The following GGA1 variants were observed in gnomAD, a reference collection of about 807,000 sequenced individuals.
GGA1 encodes ADP-ribosylation factor-binding protein GGA1.
GGA1 carries 18 observed loss-of-function variants against 76.9 expected under a neutral mutation model. The observed-to-expected ratio is 0.23, with a 90% CI of 0.16 to 0.35. The LOEUF (loss-of-function observed/expected upper bound fraction) is 0.35. Ranked by LOEUF, GGA1 falls within the 10% of genes least tolerant of loss-of-function variation. The probability of loss-of-function intolerance (pLI) is 1.00; values close to 1 mark genes in which losing one functional copy is unlikely to be tolerated. For synonymous variants in GGA1, 342 were observed against 354.7 expected, an observed-to-expected ratio of 0.96 and a Z score of 0.40; for missense variants, 755 against 859.0, an observed-to-expected ratio of 0.88 and a Z score of 1.51.
rs1277796237 is a variant in GGA1, at chr22:37,623,060, G to A, written c.610-267G>A. ...TGGGCCTTCAGAAGCACCTGGTGAG[G>A]GGTTTGGAAACCCAGGTTCCTGGGC... On this transcript the variant is annotated intron_variant, in intron 7 of 16. Transcript: ENST00000343632. The surrounding 1 kb of genome is among the most constrained non-coding windows in gnomAD (Gnocchi z 4.6). Among the ~76,000 whole-genome samples the A allele has an allele frequency of 6.6e-6, 1 of 152,232 alleles. No individual in the cohort carries two copies. Among genetic ancestry groups the A allele is most frequent in the Non-Finnish European group, 1.5e-5 (1 of 68,036 alleles).
chr22:37,618,799 G>A (rs141257269), intron 4 of GGA1, among the ~76,000 whole-genome samples: 9 of 152,310 alleles, frequency 5.9e-5, no homozygotes, highest in South Asian at 2.1e-4. Flanking sequence ...GGAGCTGCCC[G>A]GTGCTTAGGA....
chr22:37,630,415 G>T (rs372374786), intron 13 of GGA1: 7 of 518,598 alleles, frequency 1.3e-5, no homozygotes, highest in South Asian at 1.0e-4. Context: ...CAGAGGGCCG[G>T]CAGAGGGGAG....
chr22:37,617,165 C>T (rs3817997), intron 3 of GGA1, 168 bp downstream of exon 3: 54,257 of 1,460,668 alleles, frequency 0.037, 3,754 homozygotes, highest in African/African-American at 0.26. Context: ...CCACAGCCAG[C>T]GGGCTGGCCT....
At chr22:37,614,320 A>C (rs1361754395) in intron 2 of GGA1, 46 bp downstream of exon 2, 7 of 1,353,852 alleles carry the variant, frequency 5.2e-6, no homozygotes, top group Non-Finnish European at 6.4e-6. Context: ...CACTCTCCAG[A>C]ACCCAGTCTC....
chr22:37,611,967 C>T (rs1373811018), intron 1 of GGA1, among the ~76,000 whole-genome samples: 1 of 152,076 alleles, frequency 6.6e-6, no homozygotes, highest in African/African-American at 2.4e-5. Flanking sequence ...GCCTGACCAA[C>T]ATGGTGAAAT....
intron 4 of GGA1, chr22:37,619,941 G>T: frequency 1.5e-6 from 1 of 667,254 alleles, no homozygotes; most frequent in Non-Finnish European, 2.8e-6. Flanking sequence ...GGATGTCAAG[G>T]CTAAGTCCCC....
chr22:37,611,954 C>G (rs1012493765), intron 1 of GGA1, among the ~76,000 whole-genome samples: 9 of 151,844 alleles, frequency 5.9e-5, no homozygotes, highest in Middle Eastern at 6.9e-3. Flanking sequence ...GAGTTTGAGA[C>G]CAGCCTGACC....
At chr22:37,617,814 T>A in intron 3 of GGA1, 1 of 952,150 alleles carries the variant, frequency 1.1e-6, no homozygotes. Flanking sequence ...GTTGCCTATA[T>A]AAGGTTTTTT....
intron 1 of GGA1, among the ~76,000 whole-genome samples, chr22:37,613,481 A>C (rs1928137268): frequency 6.6e-6 from 1 of 151,974 alleles, no homozygotes; most frequent in Non-Finnish European, 1.5e-5. Flanking sequence ...GCTCACTCCA[A>C]GCTCCGCCTC....
rs186081433 is a variant in GGA1 at position 37,623,375 on chromosome 22, G to A, written c.658G>A (p.Glu220Lys). The A allele has an allele frequency of 1.1e-5, 17 of 1,613,890 alleles. No homozygotes were observed. Among genetic ancestry groups the A allele is most frequent in the Non-Finnish European group, 1.4e-5 (17 of 1,179,762 alleles). ...CTCGAAGAGGGTGAATGCCATCGAG[G>A]AGGTGAACAACAATGTGAAACTGCT... ...KISKRVNAIEEVNNNVKLLTE... is the reference protein window; with the variant it reads ...KISKRVNAIEKVNNNVKLLTE... The change falls in exon 8 of 17, where the codon GAG becomes AAG. Residue 220 changes from glutamate (E) to lysine (K), a missense_variant. Coordinates refer to ENST00000343632, the MANE Select transcript of GGA1 (RefSeq NM_013365.5). This position sits in a 1 kb window ranked among gnomAD's most constrained non-coding sequence, Gnocchi z 4.6.
rs982139478 is a variant in GGA1, at chr22:37,621,575, C to G, written c.529-41C>G. 3.7e-6 allele frequency: 5 copies of G among 1,351,886 alleles called. No homozygotes were observed. In the Admixed American group the frequency reaches 6.0e-5, roughly 16 times the overall value. The allele number at this position is 1,351,886 out of a possible 1,614,324, so 83.7% of individuals were successfully genotyped here. A position where few individuals can be genotyped will look rare whatever the true frequency, so the allele number is the denominator to read the frequency against. On this transcript the variant is annotated intron_variant, in intron 6 of 16. Transcript: ENST00000343632. ...TGACTCCAGTCTTCTGACCCCTGGC[C>G]CAGGTGCTGCCCTCACGGTCACACC...
At chr22:37,608,927 G>A in intron 1 of GGA1, 24 bp downstream of exon 1, 3 of 1,323,344 alleles carry the variant, frequency 2.3e-6, no homozygotes, top group Non-Finnish European at 1.9e-6. Context: ...AGGGGCGCGG[G>A]CCGGACCGGA....
chr22:37,622,804 A>C (rs1601535068), intron 7 of GGA1, among the ~76,000 whole-genome samples: 1 of 152,320 alleles, frequency 6.6e-6, no homozygotes, highest in South Asian at 2.1e-4. Context: ...ACGCACAGTA[A>C]GCGGAGGGGC....
rs770992219 is a variant in GGA1 at position 37,620,817 on chromosome 22, T to G, written c.432T>G (p.Ile144Met). The change falls in exon 6 of 17, where the codon ATT becomes ATG. Residue 144 changes from isoleucine to methionine, a missense_variant. By Grantham distance (10) the Ile-to-Met change is conservative. Coordinates refer to ENST00000343632, the MANE Select transcript of GGA1 (RefSeq NM_013365.5). ...EAYQMLKKQG[I>M]VKSDPKLPDD... The stretch of plus-strand genomic sequence containing the variant: ...TCTGACACTCATCTAATCCAGGGAT[T>G]GTAAAGTCCGACCCCAAGCTTCCAG... 6.3e-7 allele frequency: 1 copy of G among 1,595,952 alleles called. No individual in the cohort carries two copies. The highest frequency in any genetic ancestry group is 8.6e-7 in the Non-Finnish European group (1 of 1,163,370).
chr22:37,623,272 C>T lies in GGA1; in HGVS notation c.610-55C>T, dbSNP rs1930206853. On this transcript the variant is annotated intron_variant, in intron 7 of 16. Transcript: ENST00000343632. This position sits in a 1 kb window ranked among gnomAD's most constrained non-coding sequence, Gnocchi z 4.6. ...ACACATTCTCTCAAGTGGCAGGGGG[C>T]AGTGCCTCGTCCAGGCCAAAGGTTC... 1 of 1,535,090 alleles carries T rather than the reference C, an allele frequency of 6.5e-7. No individual in the cohort carries two copies. The highest frequency in any genetic ancestry group is 9.0e-7 in the Non-Finnish European group (1 of 1,108,754).
Position 37,625,876 on chromosome 22 carries a change from C to T in GGA1, c.1020C>T (p.Arg340=). 1.2e-6 allele frequency: 2 copies of T among 1,611,730 alleles called. No homozygotes were observed. The highest frequency in any genetic ancestry group is 1.7e-6 in the Non-Finnish European group (2 of 1,179,252). The part of the protein sequence containing the change: ...AGTTYPAMPT[R]PGEQASPEQP... The stretch of plus-strand genomic sequence containing the variant: ...CCACCTACCCAGCTATGCCCACCCG[C>T]CCTGGCGAGCAGGCCAGCCCTGAGC... Residue 340 remains arginine, a synonymous_variant, in exon 11 of 17, where the codon CGC becomes CGT. Transcript: ENST00000343632. This position sits in a 1 kb window ranked among gnomAD's most constrained non-coding sequence, Gnocchi z 4.1.
In GGA1 at chr22:37,632,672, G is replaced by A. The variant is rs1285506894; in HGVS notation, c.1881G>A (p.Val627=). ...GDQTYNEMGD[V]DQFPPPETWG... is the part of the protein sequence containing the mutation. ...AGACCTACAACGAGATGGGGGATGTGGACCAGTTCCCCCCACCTGAAACCT... is the reference window on the plus strand; with the variant it reads ...AGACCTACAACGAGATGGGGGATGTAGACCAGTTCCCCCCACCTGAAACCT... Residue 627 remains valine (V), a synonymous_variant, in exon 17 of 17, where the codon GTG becomes GTA. Transcript: ENST00000343632. This position sits in a 1 kb window ranked among gnomAD's most constrained non-coding sequence, Gnocchi z 5.1. 1.2e-6 allele frequency: 2 copies of A among 1,612,370 alleles called. No homozygotes were observed. The highest frequency in any genetic ancestry group is 1.7e-6 in the Non-Finnish European group (2 of 1,178,886).
chr22:37,631,667 A>C (rs947264089), intron 14 of GGA1, among the ~76,000 whole-genome samples: 1 of 152,230 alleles, frequency 6.6e-6, no homozygotes, highest in Non-Finnish European at 1.5e-5. Context: ...CCGCAAGGTC[A>C]CACAGCGTGA....
At chr22:37,620,050 G>A (rs2145928635) in intron 4 of GGA1, 188 bp from the exon 5 acceptor site, 2 of 659,136 alleles carry the variant, frequency 3.0e-6, no homozygotes, top group Non-Finnish European at 5.5e-6. Context: ...GGCTGACCCA[G>A]CTAATAAGTG....
Sources: allele counts gnomAD v4.1 joint callset (sites outside exome capture counted in the v4.1 genomes callset), GRCh38; gene constraint gnomAD v4.1.1; non-coding constraint Gnocchi (gnomAD v3.1); transcripts MANE v1.5; gene names NCBI Gene and HGNC (gene_info 2026-07-23, HGNC 2026-07-21).